DEAF1: variants seen among roughly 807,000 people sequenced by gnomAD.
The protein encoded by DEAF1 is DEAF1 transcription factor, also known as deformed epidermal autoregulatory factor 1 homolog.
Under a neutral mutation model 58.9 loss-of-function variants are expected in DEAF1, and 53 were observed. The observed-to-expected ratio is 0.90, with a 90% CI of 0.72 to 1.13. DEAF1 has a LOEUF of 1.13. Ranked by LOEUF, DEAF1 falls within the 50% of genes most tolerant of loss-of-function variation. The pLI, the probability that DEAF1 is intolerant of heterozygous loss-of-function variation, is 0.00. For missense variants in DEAF1, 685 were observed against 791.4 expected (o/e 0.87, Z 1.61); for synonymous variants, 385 against 340.4 (o/e 1.13, Z -1.44).
At chr11:701,496 C>T (rs1345664734) in intron 1 of DEAF1, among the ~76,000 whole-genome samples, 7 of 148,900 alleles carry the variant, frequency 4.7e-5, no homozygotes, top group East Asian at 2.0e-4. Context: ...CTGCAAGCTC[C>T]GCCTCCCGGG....
At chr11:690,259 G>A (rs1429214974) in intron 2 of DEAF1, among the ~76,000 whole-genome samples, 2 of 17,016 alleles carry the variant, frequency 1.2e-4, no homozygotes, top group African/African-American at 5.4e-4. Flanking sequence ...AGGAGGGGAG[G>A]GGAGGGCAGG....
chr11:692,959 C>G (rs1003248361), intron 1 of DEAF1, among the ~76,000 whole-genome samples: 3 of 152,210 alleles, frequency 2.0e-5, no homozygotes, highest in Non-Finnish European at 4.4e-5. Flanking sequence ...CGGCATGCGG[C>G]GCGCGGCCAC....
chr11:672,866 T>A (rs774479670), intron 10 of DEAF1, among the ~76,000 whole-genome samples: 77 of 150,204 alleles, frequency 5.1e-4, no homozygotes, highest in Non-Finnish European at 7.8e-4. Context: ...AAATTTTTTT[T>A]AAATAGATAA....
intron 10 of DEAF1, among the ~76,000 whole-genome samples, chr11:660,524 G>A (rs1045466352): frequency 7.2e-5 from 11 of 152,206 alleles, no homozygotes; most frequent in African/African-American, 1.7e-4. Flanking sequence ...TGGCTCCCTC[G>A]GGGGACTCCA....
At chr11:690,138 A>G (rs1024453874) in intron 2 of DEAF1, among the ~76,000 whole-genome samples, 11 of 143,290 alleles carry the variant, frequency 7.7e-5, no homozygotes, top group African/African-American at 2.9e-4. Context: ...TACCTGGACA[A>G]CATGGGGAAC....
intron 9 of DEAF1, among the ~76,000 whole-genome samples, chr11:675,017 TA>T (rs370292958): frequency 6.2e-4 from 94 of 151,266 alleles, no homozygotes; most frequent in African/African-American, 2.1e-3. Flanking sequence ...AAAAATTGGC[TA>T]AAAAAAATAC....
At chr11:648,530 G>A (rs1261178857) in intron 11 of DEAF1, among the ~76,000 whole-genome samples, 1 of 152,082 alleles carries the variant, frequency 6.6e-6, no homozygotes, top group Non-Finnish European at 1.5e-5. Flanking sequence ...TCTGAGGGAG[G>A]CTTGAGGACA....
In DEAF1 at chr11:694,065, G is replaced by A. The variant is rs144227399; in HGVS notation, c.289+694C>T. Among the ~76,000 whole-genome samples the A allele has an allele frequency of 1.8e-3, 279 of 152,300 alleles. 1 individual carries two copies. The highest frequency in any genetic ancestry group is 6.4e-3 in the African/African-American group (265 of 41,556). ...CAGCGCTCAGGTCATGCCTGAACTG[G>A]CCCTCAGGAAGTGGGGGGTTCCTGG... is the stretch of plus-strand genomic sequence containing the variant. On this transcript the variant is annotated intron_variant, in intron 1 of 11. Transcript: ENST00000382409.
chr11:647,800 CCAG>C (rs1858569237), intron 11 of DEAF1, among the ~76,000 whole-genome samples: 1 of 151,548 alleles, frequency 6.6e-6, no homozygotes, highest in Non-Finnish European at 1.5e-5. Flanking sequence ...GTGACTCAAT[CCAG>C]GCAGTGCTGG....
chr11:663,119 C>T (rs1358067147), intron 10 of DEAF1, among the ~76,000 whole-genome samples: 1 of 152,186 alleles, frequency 6.6e-6, no homozygotes, highest in African/African-American at 2.4e-5. Context: ...CAGGACCAGC[C>T]TCGGCAACAA....
At chr11:647,911 G>A (rs1333852087) in intron 11 of DEAF1, among the ~76,000 whole-genome samples, 4 of 14,602 alleles carry the variant, frequency 2.7e-4, no homozygotes, top group Non-Finnish European at 5.4e-4. Flanking sequence ...TGACCCAGGC[G>A]GTGCTGGGAG....
chr11:645,990 C>T (rs1277001997), intron 11 of DEAF1, among the ~76,000 whole-genome samples: 3 of 152,098 alleles, frequency 2.0e-5, no homozygotes, highest in African/African-American at 7.2e-5. Context: ...CAGTGGTTCA[C>T]GGCTGTAATC....
At chr11:650,956 T>G (rs985773254) in intron 11 of DEAF1, among the ~76,000 whole-genome samples, 4 of 151,766 alleles carry the variant, frequency 2.6e-5, no homozygotes, top group Admixed American at 2.6e-4. Context: ...TATGCTACTA[T>G]CAGAAAAGGT....
At chr11:702,856 TG>T in intron 1 of DEAF1, 1 of 1,303,222 alleles carries the variant, frequency 7.7e-7, no homozygotes, top group Non-Finnish European at 1.1e-6. Context: ...GGAGCTGCTC[TG>T]GTCCCAGCAG....
chr11:647,045 G>C (rs78319424), intron 11 of DEAF1, among the ~76,000 whole-genome samples: 3 of 152,118 alleles, frequency 2.0e-5, no homozygotes, highest in Admixed American at 2.0e-4. Flanking sequence ...TGTGGTCCAA[G>C]CTACTTGGGA....
chr11:658,046 C>G (rs1488976456), intron 10 of DEAF1, among the ~76,000 whole-genome samples: 2 of 152,192 alleles, frequency 1.3e-5, no homozygotes, highest in African/African-American at 4.8e-5. Flanking sequence ...AGAGGGGAGG[C>G]TGCGGAGTGG....
chr11:698,992 T>C, upstream of DEAF1: 1 of 1,397,158 alleles, frequency 7.2e-7, no homozygotes, highest in Non-Finnish European at 1.0e-6. Flanking sequence ...TTCTGTCTAG[T>C]AATTCCACTT....
At chr11:685,571 C>G (rs1018066387) in intron 5 of DEAF1, among the ~76,000 whole-genome samples, 1 of 151,976 alleles carries the variant, frequency 6.6e-6, no homozygotes, top group African/African-American at 2.4e-5. Flanking sequence ...GGCGCATGCC[C>G]ATAGTCCCAG....
intron 10 of DEAF1, among the ~76,000 whole-genome samples, chr11:669,775 C>T (rs1480801625): frequency 1.4e-5 from 2 of 145,756 alleles, no homozygotes; most frequent in Non-Finnish European, 3.0e-5. Flanking sequence ...ACTTAAAACA[C>T]AAAAATTAGC....
Sources: gnomAD v4.1 joint callset for allele counts (sites outside exome capture counted in the v4.1 genomes callset) on GRCh38, gnomAD v4.1.1 for gene constraint, MANE v1.5 for transcripts, NCBI Gene and HGNC (gene_info 2026-07-23, HGNC 2026-07-21) for gene names.